Variants in ABHD2 observed in about 807,000 individuals in gnomAD.
ABHD2 encodes monoacylglycerol lipase ABHD2.
ABHD2 carries 20 observed loss-of-function variants against 48.1 expected under a neutral mutation model. The ratio of observed to expected loss-of-function variants is 0.42; its 90% CI spans 0.29 to 0.60. ABHD2 has a LOEUF of 0.60. Among genes scored for constraint, ABHD2 ranks in the 20% least tolerant of loss-of-function variants. ABHD2 has a pLI of 0.24. For synonymous variants in ABHD2, 209 were observed against 214.2 expected (o/e 0.98, Z 0.21); for missense variants, 405 against 550.9 (o/e 0.74, Z 2.65).
chr15:89,095,555 A>G (rs781688445), intron 1 of ABHD2, among the ~76,000 whole-genome samples: 9 of 152,212 alleles, frequency 5.9e-5, no homozygotes, highest in Non-Finnish European at 1.0e-4. Context: ...GGAATTAAGT[A>G]AGGCTCTTCA....
At position 89,164,138 on chromosome 15, in the gene ABHD2, C is replaced by T. The variant is rs147801229; in HGVS notation, c.538+8604C>T. Among the ~76,000 whole-genome samples, 1 of 152,186 alleles carries T rather than the reference C, an allele frequency of 6.6e-6. No individual in the cohort carries two copies. The highest frequency in any genetic ancestry group is 6.5e-5 in the Admixed American group (1 of 15,280). ...ATCCTCCAGACAATGATGGGGCCAG[C>T]CTCTGCGATGGGAATACAGGTGTGG... On this transcript the variant is annotated intron_variant, in intron 5 of 10. Coordinates refer to ENST00000352732, the MANE Select transcript of ABHD2 (RefSeq NM_152924.5). This position sits in a 1 kb window ranked among gnomAD's most constrained non-coding sequence, Gnocchi z 5.0.
upstream of ABHD2, chr15:89,088,375 T>A (rs1034620222): frequency 6.5e-6 from 1 of 152,690 alleles, no homozygotes; most frequent in Non-Finnish European, 1.5e-5. This position sits in a 1 kb window ranked among gnomAD's most constrained non-coding sequence, Gnocchi z 6.8. Context: ...ACAAGCGGTT[T>A]CCGTGGTTAG....
chr15:89,133,916 A>G (rs1428295811), intron 3 of ABHD2, among the ~76,000 whole-genome samples: 1 of 145,704 alleles, frequency 6.9e-6, no homozygotes, highest in Admixed American at 7.3e-5. Flanking sequence ...GGCTCACTGC[A>G]AGCTCCGCCT....
In ABHD2 at chr15:89,188,186, G is replaced by A; in HGVS notation, c.816-7G>A. 1 of 1,613,228 alleles carries A rather than the reference G, an allele frequency of 6.2e-7. No homozygotes were observed. Among genetic ancestry groups the A allele is most frequent in the Non-Finnish European group, 8.5e-7 (1 of 1,179,200 alleles). ...TTAATCTCTGTTTGCTTTTGTGTTT[G>A]CTCTAGGCAAGCTCTTTTTGGAGAC... On this transcript the variant is annotated splice_region_variant and splice_polypyrimidine_tract_variant and intron_variant, in intron 7 of 10. Transcript: ENST00000352732. This position sits in a 1 kb window ranked among gnomAD's most constrained non-coding sequence, Gnocchi z 4.1.
chr15:89,059,074 T>C, the ABHD2 span, among the ~76,000 whole-genome samples: 1 of 152,180 alleles, frequency 6.6e-6, no homozygotes, highest in Non-Finnish European at 1.5e-5. Context: ...CAAGTTGCTG[T>C]GCTCTGAGGA....
At chr15:89,113,612 C>T (rs1367542680) in intron 1 of ABHD2, 113 bp from the exon 2 acceptor site, 2 of 152,196 alleles carry the variant, frequency 1.3e-5, no homozygotes, top group South Asian at 4.1e-4. Context: ...TGTTAATTAA[C>T]AAAATTGTCT....
intron 6 of ABHD2, chr15:89,183,384 A>AAAAAAAATATATATATAT (rs61602174): frequency 2.2e-5 from 1 of 46,274 alleles, no homozygotes; most frequent in Non-Finnish European, 4.2e-5. Flanking sequence ...AAAAAAAAAA[A>AAAAAAAATATATATATAT]ATATATATAT....
At chr15:89,061,165 C>T in the ABHD2 span, among the ~76,000 whole-genome samples, 1,206 of 152,094 alleles carry the variant, frequency 7.9e-3, 20 homozygotes, top group African/African-American at 0.028. Context: ...GCCTTGTAAT[C>T]CCAGCACTTT....
chr15:89,175,744 C>A lies in ABHD2; in HGVS notation c.539-68C>A. The A allele has an allele frequency of 6.4e-7, 1 of 1,560,990 alleles. No homozygotes were observed. The highest frequency in any genetic ancestry group is 8.8e-7 in the Non-Finnish European group (1 of 1,135,328). ...ATACTGGCACCCATTTAGTAACGTTCCAGCTTGCATTTTCTCCAGATAGGA... is the reference window on the plus strand; with the variant it reads ...ATACTGGCACCCATTTAGTAACGTTACAGCTTGCATTTTCTCCAGATAGGA... On this transcript the variant is annotated intron_variant, in intron 5 of 10. Coordinates refer to ENST00000352732, the MANE Select transcript of ABHD2 (RefSeq NM_152924.5). The surrounding 1 kb of genome is among the most constrained non-coding windows in gnomAD (Gnocchi z 5.7).
In ABHD2 at chr15:89,106,454, C is replaced by T. The variant is rs1006721065; in HGVS notation, c.-106-7271C>T. ...TGCTCACTCACCTCATTAGACCTTA[C>T]CGAGAGTGAGAACAGGGCCGGGTCG... On this transcript the variant is annotated intron_variant, in intron 1 of 10. Transcript: ENST00000352732. The surrounding 1 kb of genome is among the most constrained non-coding windows in gnomAD (Gnocchi z 4.2). The T allele has an allele frequency of 1.8e-4, 28 of 152,192 alleles. No homozygotes were observed. Among genetic ancestry groups the T allele is most frequent in the African/African-American group, 6.5e-4 (27 of 41,408 alleles). 9.4% of individuals were successfully genotyped at this position (152,192 alleles called of 1,614,324 possible).
upstream of ABHD2, chr15:89,087,422 C>T (rs528169975): frequency 6.6e-6 from 1 of 152,202 alleles, no homozygotes; most frequent in Admixed American, 6.5e-5. This position sits in a 1 kb window ranked among gnomAD's most constrained non-coding sequence, Gnocchi z 5.5. Context: ...TCAAGTCGCT[C>T]AAGTGTTCTA....
the ABHD2 span, among the ~76,000 whole-genome samples, chr15:89,062,513 T>G: frequency 6.6e-6 from 1 of 152,038 alleles, no homozygotes; most frequent in Non-Finnish European, 1.5e-5. Flanking sequence ...CACTTCAGCC[T>G]CCTGAGTAGC....
chr15:89,086,775 A>C (rs1901362988), upstream of ABHD2, among the ~76,000 whole-genome samples: 1 of 152,246 alleles, frequency 6.6e-6, no homozygotes, highest in African/African-American at 2.4e-5. Flanking sequence ...TTATATACTT[A>C]TCTAGTGATA....
At chr15:89,142,703 G>A (rs1170687262) in intron 3 of ABHD2, among the ~76,000 whole-genome samples, 1 of 152,098 alleles carries the variant, frequency 6.6e-6, no homozygotes, top group Non-Finnish European at 1.5e-5. Flanking sequence ...CACAGCCCCT[G>A]AGCCATCACC....
At chr15:89,049,377 C>G in the ABHD2 span, among the ~76,000 whole-genome samples, 1 of 152,264 alleles carries the variant, frequency 6.6e-6, no homozygotes, top group Non-Finnish European at 1.5e-5. Flanking sequence ...GTGGAGCCTA[C>G]AGAGGCAGGC....
chr15:89,141,768 C>G (rs2050406962), intron 3 of ABHD2, among the ~76,000 whole-genome samples: 1 of 152,182 alleles, frequency 6.6e-6, no homozygotes, highest in Non-Finnish European at 1.5e-5. Context: ...CAGCTTCTGG[C>G]TTGGAAGCCC....
chr15:89,169,569 A>C lies in ABHD2; in HGVS notation c.539-6243A>C, dbSNP rs1464560504. On this transcript the variant is annotated intron_variant, in intron 5 of 10. Transcript: ENST00000352732. Reference sequence around the variant, plus strand: ...GATATAGTTAGCTAAGAGATGACAAAATTAGGCAGAAACCTTAGGAAGCGG... The same window carrying C: ...GATATAGTTAGCTAAGAGATGACAACATTAGGCAGAAACCTTAGGAAGCGG... 4.6e-5 allele frequency among the ~76,000 whole-genome samples: 7 copies of C among 152,192 alleles called. No individual in the cohort carries two copies. In the East Asian group the frequency reaches 1.3e-3, roughly 29 times the overall value.
intron 1 of ABHD2, among the ~76,000 whole-genome samples, chr15:89,103,018 G>A (rs2049725794): frequency 6.6e-6 from 1 of 152,298 alleles, no homozygotes; most frequent in East Asian, 1.9e-4. Flanking sequence ...AACACTTGAG[G>A]GCATGAACTT....
the ABHD2 span, among the ~76,000 whole-genome samples, chr15:89,057,324 T>G: frequency 6.6e-6 from 1 of 152,204 alleles, no homozygotes; most frequent in Non-Finnish European, 1.5e-5. Flanking sequence ...TTAGCTCTTC[T>G]AAGCTGCTCA....
Sources: allele counts gnomAD v4.1 joint callset (sites outside exome capture counted in the v4.1 genomes callset), GRCh38; gene constraint gnomAD v4.1.1; non-coding constraint Gnocchi (gnomAD v3.1); transcripts MANE v1.5; gene names NCBI Gene and HGNC (gene_info 2026-07-23, HGNC 2026-07-21).